The following CSMD1 variants were observed in gnomAD, a reference collection of about 807,000 sequenced individuals.
CSMD1 encodes the protein CUB and sushi domain-containing protein 1.
A neutral mutation model predicts 417.5 loss-of-function variants in CSMD1; 213 were observed. That is an observed-to-expected ratio of 0.51 (90% CI 0.46 to 0.57). The LOEUF (loss-of-function observed/expected upper bound fraction) is 0.57, where lower values mean the gene tolerates loss of function less well. Ranked by LOEUF, CSMD1 falls within the 20% of genes least tolerant of loss-of-function variation. CSMD1 has a pLI of 0.00. For missense variants in CSMD1, 6,923 were observed against 4,529.7 expected (o/e 1.53, Z -15.17); for synonymous variants, 2,862 against 1,736.8 (o/e 1.65, Z -16.11).
In CSMD1 at chr8:4,802,348, C is replaced by T. The variant is rs202159727; in HGVS notation, c.86-164790G>A. On this transcript the variant is annotated intron_variant, in intron 1 of 69. Transcript: ENST00000635120. ...TAGGAACAAGCAAAATGAGTGTGTG[C>T]GCGCGTGTGTGTGTGTGTGTGTGTG... Among the ~76,000 whole-genome samples, 763 of 140,784 alleles carry T rather than the reference C, an allele frequency of 5.4e-3. 9 individuals are homozygous for T. The highest frequency in any genetic ancestry group is 0.016 in the African/African-American group (527 of 33,282). The allele number at this position is 140,784 out of a possible 152,430, so 92.4% of individuals were successfully genotyped here. A position where few individuals can be genotyped will look rare whatever the true frequency, so the allele number is the denominator to read the frequency against.
At chr8:4,828,519 C>A (rs978729889) in intron 1 of CSMD1, among the ~76,000 whole-genome samples, 1 of 152,072 alleles carries the variant, frequency 6.6e-6, no homozygotes, top group Non-Finnish European at 1.5e-5. Context: ...ACCTATTGGT[C>A]CTTTATTGCC....
intron 2 of CSMD1, among the ~76,000 whole-genome samples, chr8:4,582,292 A>G (rs1310655759): frequency 6.6e-6 from 1 of 152,186 alleles, no homozygotes; most frequent in Non-Finnish European, 1.5e-5. Flanking sequence ...CTAAGATAAA[A>G]CAGCTTGTTA....
intron 3 of CSMD1, among the ~76,000 whole-genome samples, chr8:4,083,459 A>G (rs1211977058): frequency 6.6e-6 from 1 of 152,164 alleles, no homozygotes; most frequent in Admixed American, 6.6e-5. Context: ...GGCTACAGTA[A>G]CCAAAACAGC....
At chr8:4,192,564 T>C (rs975190780) in intron 3 of CSMD1, among the ~76,000 whole-genome samples, 5 of 152,176 alleles carry the variant, frequency 3.3e-5, no homozygotes, top group Non-Finnish European at 5.9e-5. Flanking sequence ...CAGCACCAGC[T>C]AGTGGGTATT....
chr8:4,350,909 G>A (rs112712374), intron 3 of CSMD1, among the ~76,000 whole-genome samples: 14,600 of 152,236 alleles, frequency 0.096, 852 homozygotes, highest in Admixed American at 0.14. Flanking sequence ...AAGGTGGGCC[G>A]TGCTTACAGG....
chr8:4,914,621 A>G (rs1321723133), intron 1 of CSMD1, among the ~76,000 whole-genome samples: 6 of 151,576 alleles, frequency 4.0e-5, no homozygotes, highest in Admixed American at 6.6e-5. Context: ...TAGAAATATA[A>G]CGGTCGCCTT....
rs533264388 is a variant in CSMD1 at position 4,164,786 on chromosome 8, G to C, written c.416-132687C>G. ...AGCTACCTGGGAGGCGGAGGCAGGAGAATGGCGTGAAATCCAGAGGTGGAG... is the reference window on the plus strand; with the variant it reads ...AGCTACCTGGGAGGCGGAGGCAGGACAATGGCGTGAAATCCAGAGGTGGAG... On this transcript the variant is annotated intron_variant, in intron 3 of 69. Transcript: ENST00000635120. 1.2e-4 allele frequency among the ~76,000 whole-genome samples: 18 copies of C among 152,064 alleles called. No individual in the cohort carries two copies. The South Asian group carries it at 3.1e-3, about 26-fold the overall frequency.
intron 5 of CSMD1, among the ~76,000 whole-genome samples, chr8:3,840,369 T>G (rs1433834860): frequency 6.6e-6 from 1 of 152,120 alleles, no homozygotes; most frequent in Non-Finnish European, 1.5e-5. Flanking sequence ...TGCACAAATA[T>G]GCTGAGGGAG....
intron 7 of CSMD1, among the ~76,000 whole-genome samples, chr8:3,637,754 C>T (rs1459483165): frequency 6.6e-6 from 1 of 152,138 alleles, no homozygotes; most frequent in Admixed American, 6.5e-5. Context: ...CAAATCTCAT[C>T]TTGAATTGTA....
chr8:4,283,881 A>G (rs1334967310), intron 3 of CSMD1, among the ~76,000 whole-genome samples: 1 of 152,288 alleles, frequency 6.6e-6, no homozygotes, highest in African/African-American at 2.4e-5. Context: ...GTCTTTCTCC[A>G]TGTCTTATAC....
chr8:4,023,687 C>T lies in CSMD1; in HGVS notation c.610+8218G>A, dbSNP rs1162032579. 6.7e-5 allele frequency among the ~76,000 whole-genome samples: 10 copies of T among 149,418 alleles called. No homozygotes were observed. The East Asian group carries it at 1.2e-3, about 18-fold the overall frequency. ...CTGCAAGCTCCGCCTCCAGGGTTCA[C>T]GCCATTCTCCTGCCTCAGCCTCCCG... is the stretch of plus-strand genomic sequence containing the variant. On this transcript the variant is annotated intron_variant, in intron 4 of 69. Coordinates refer to ENST00000635120, the MANE Select transcript of CSMD1 (RefSeq NM_033225.6).
intron 5 of CSMD1, among the ~76,000 whole-genome samples, chr8:3,835,234 T>C (rs1411058340): frequency 6.6e-6 from 1 of 151,540 alleles, no homozygotes; most frequent in South Asian, 2.1e-4. Flanking sequence ...ACCCAAAGGA[T>C]TATAAATCAT....
intron 26 of CSMD1, 136 bp downstream of exon 26, chr8:3,284,008 A>C: frequency 1.3e-6 from 1 of 788,494 alleles, no homozygotes; most frequent in East Asian, 2.7e-5. Context: ...TGCAACATGC[A>C]TTTTCCTAAC....
chr8:4,449,442 A>G (rs1381461363), intron 2 of CSMD1, among the ~76,000 whole-genome samples: 1 of 151,992 alleles, frequency 6.6e-6, no homozygotes, highest in Non-Finnish European at 1.5e-5. Flanking sequence ...ATTTTTCCCC[A>G]ATTTTTGTTG....
intron 51 of CSMD1, among the ~76,000 whole-genome samples, chr8:3,025,978 G>A (rs1011288219): frequency 6.6e-6 from 1 of 152,114 alleles, no homozygotes; most frequent in Non-Finnish European, 1.5e-5. Context: ...GGCAGAATTC[G>A]AAGGTGGTCC....
At chr8:4,024,744 C>T (rs1251975981) in intron 4 of CSMD1, among the ~76,000 whole-genome samples, 4 of 152,162 alleles carry the variant, frequency 2.6e-5, no homozygotes, top group Non-Finnish European at 5.9e-5. Flanking sequence ...CTACTGCAGG[C>T]CGCTCTGTGA....
At chr8:3,169,509 G>A (rs1013037697) in intron 37 of CSMD1, among the ~76,000 whole-genome samples, 3 of 152,024 alleles carry the variant, frequency 2.0e-5, no homozygotes, top group African/African-American at 7.3e-5. Context: ...GGTTGCCTAG[G>A]GCTAGGAGTA....
At chr8:3,028,767 A>T (rs1810126759) in intron 51 of CSMD1, among the ~76,000 whole-genome samples, 1 of 152,208 alleles carries the variant, frequency 6.6e-6, no homozygotes. Context: ...TCTGTGAACA[A>T]TCAAGTAAAG....
intron 5 of CSMD1, among the ~76,000 whole-genome samples, chr8:3,878,898 G>C (rs142349846): frequency 7.4e-4 from 112 of 152,228 alleles, no homozygotes; most frequent in African/African-American, 2.6e-3. Flanking sequence ...AATATCACAA[G>C]TTATATGAAG....
Sources: gnomAD v4.1 joint callset for allele counts (sites outside exome capture counted in the v4.1 genomes callset) on GRCh38, gnomAD v4.1.1 for gene constraint, MANE v1.5 for transcripts, NCBI Gene and HGNC (gene_info 2026-07-23, HGNC 2026-07-21) for gene names.